The following MGAT4D variants were observed in gnomAD, a reference collection of about 807,000 sequenced individuals.
MGAT4D encodes MGAT4 family member D.
In MGAT4D, 34 loss-of-function variants were observed where a neutral mutation model predicts 15.9. The observed-to-expected ratio is 2.14, with a 90% CI of 1.62 to 2.84. The LOEUF (loss-of-function observed/expected upper bound fraction) is 2.84. MGAT4D is among the 30% of genes most tolerant of loss of function. The pLI, the probability that MGAT4D is intolerant of heterozygous loss-of-function variation, is 0.00. For synonymous variants in MGAT4D, 112 were observed against 48.2 expected (o/e 2.33, Z -5.49); for missense variants, 327 against 140.2 (o/e 2.33, Z -6.73).
intron 9 of MGAT4D, among the ~76,000 whole-genome samples, chr4:140,453,973 T>G (rs1730633413): frequency 6.6e-6 from 1 of 152,042 alleles, no homozygotes; most frequent in Non-Finnish European, 1.5e-5. Context: ...CCTTGTATCT[T>G]GCAACTTTGC....
chr4:140,442,430 T>C lies in MGAT4D; in HGVS notation c.*1006A>G, dbSNP rs923406431. On this transcript the variant is annotated 3_prime_UTR_variant, in exon 11 of 11. Transcript: ENST00000511113. ...ATCACTTATTATTGCTCAAAATAAG[T>C]AATACCTTACAGAATAACATCAAGA... 9.2e-5 allele frequency: 14 copies of C among 152,076 alleles called. No homozygotes were observed. The highest frequency in any genetic ancestry group is 2.9e-4 in the African/African-American group (12 of 41,416). 9.4% of individuals were successfully genotyped at this position (152,076 alleles called of 1,614,324 possible). A position where few individuals can be genotyped will look rare whatever the true frequency, so the allele number is the denominator to read the frequency against.
In MGAT4D at chr4:140,451,507, A is replaced by G; in HGVS notation, c.1019T>C (p.Met340Thr). Reference protein sequence around the residue: ...CDAGEDLRNCMKRKKQIRIQY... With the variant: ...CDAGEDLRNCTKRKKQIRIQY... ...AATACGTATTTGCTTCTTTCGTTTCATACAGTTTCTCTGGGGAAAAAGAAA... is the reference window on the plus strand; with the variant it reads ...AATACGTATTTGCTTCTTTCGTTTCGTACAGTTTCTCTGGGGAAAAAGAAA... The change falls in exon 10 of 11, where the codon ATG (methionine) becomes ACG (threonine). Residue 340 changes from methionine to threonine, a missense_variant. Transcript: ENST00000511113. The G allele has an allele frequency of 1.8e-6, 1 of 564,604 alleles. No homozygotes were observed. Among genetic ancestry groups the G allele is most frequent in the African/African-American group, 1.9e-5 (1 of 53,742 alleles). 35.0% of individuals were successfully genotyped at this position (564,604 alleles called of 1,614,324 possible). A position where few individuals can be genotyped will look rare whatever the true frequency, so the allele number is the denominator to read the frequency against.
intron 3 of MGAT4D, among the ~76,000 whole-genome samples, chr4:140,476,776 T>A (rs1732362725): frequency 6.6e-6 from 1 of 152,202 alleles, no homozygotes; most frequent in Non-Finnish European, 1.5e-5. Context: ...TTTCTCAGGA[T>A]TCAACTAAAT....
chr4:140,452,915 T>A (rs9760241), intron 9 of MGAT4D, among the ~76,000 whole-genome samples: 5,760 of 152,238 alleles, frequency 0.038, 356 homozygotes, highest in African/African-American at 0.13. Flanking sequence ...TGATTTATTT[T>A]GAAATAATGT....
At chr4:140,465,334 A>C (rs1355291463) in intron 5 of MGAT4D, among the ~76,000 whole-genome samples, 1 of 152,220 alleles carries the variant, frequency 6.6e-6, no homozygotes, top group East Asian at 1.9e-4. Context: ...CAGTGACTGC[A>C]AGAAAGCAAG....
At chr4:140,481,084 G>A (rs1732689048) in intron 2 of MGAT4D, among the ~76,000 whole-genome samples, 4 of 151,568 alleles carry the variant, frequency 2.6e-5, no homozygotes, top group African/African-American at 9.7e-5. Flanking sequence ...GAGGTGGGAG[G>A]CTTGCTTGAG....
intron 7 of MGAT4D, among the ~76,000 whole-genome samples, 173 bp from the exon 8 acceptor site, chr4:140,459,799 CTTTTTTT>C (rs576574327): frequency 9.2e-6 from 1 of 109,062 alleles, no homozygotes. Context: ...AGTTGATTTC[CTTTTTTT>C]TTTTTTTTTT....
chr4:140,446,811 G>A lies in MGAT4D; in HGVS notation c.1117-3367C>T, dbSNP rs34793225. The stretch of plus-strand genomic sequence containing the variant: ...CTGTGATGTTAGATTGTTAACTTGA[G>A]ATCTTTCTAGCTTTTCGATTTGGGT... On this transcript the variant is annotated intron_variant, in intron 10 of 10. Transcript: ENST00000511113. 4.3e-5 allele frequency among the ~76,000 whole-genome samples: 3 copies of A among 69,470 alleles called. No homozygotes were observed. The Admixed American group carries it at 6.4e-4, about 15-fold the overall frequency. 45.6% of individuals were successfully genotyped at this position (69,470 alleles called of 152,430 possible).
At chr4:140,481,954 A>C (rs1227937721) in intron 2 of MGAT4D, among the ~76,000 whole-genome samples, 1 of 152,210 alleles carries the variant, frequency 6.6e-6, no homozygotes, top group African/African-American at 2.4e-5. Flanking sequence ...AGCAGAAATG[A>C]TGATGGAAAA....
chr4:140,476,954 A>C (rs1196429948), intron 3 of MGAT4D, among the ~76,000 whole-genome samples: 1 of 152,174 alleles, frequency 6.6e-6, no homozygotes, highest in Admixed American at 6.5e-5. Flanking sequence ...TAAATCCAGC[A>C]CTAACATAAA....
At chr4:140,459,872 G>A (rs1317925680) in intron 7 of MGAT4D, among the ~76,000 whole-genome samples, 1 of 138,220 alleles carries the variant, frequency 7.2e-6, no homozygotes, top group Non-Finnish European at 1.5e-5. Context: ...TTGCGTGACT[G>A]CAGGCACGTG....
At chr4:140,467,439 C>T (rs1731614252) in intron 5 of MGAT4D, among the ~76,000 whole-genome samples, 1 of 152,080 alleles carries the variant, frequency 6.6e-6, no homozygotes, top group African/African-American at 2.4e-5. Flanking sequence ...TACAGAGATA[C>T]ACAAATTTTG....
At position 140,456,613 on chromosome 4, in the gene MGAT4D, C is replaced by G; in HGVS notation, c.984G>C (p.Lys328Asn). The G allele has an allele frequency of 1.4e-6, 1 of 690,900 alleles. No homozygotes were observed. The highest frequency in any genetic ancestry group is 1.5e-5 in the South Asian group (1 of 64,858). The allele number at this position is 690,900 out of a possible 1,614,324, so 42.8% of individuals were successfully genotyped here. Residue 328 changes from lysine to asparagine, a missense_variant, in exon 9 of 11, where the codon AAG becomes AAC. By Grantham distance (94) the Lys-to-Asn change is moderately conservative. Transcript: ENST00000511113. ...DWLLNDIFQV[K>N]VCDAGEDLRN... ...CAAGATCTTCTCCTGCGTCACACACCTTTACCTGAAAAATGTCATTCAAGA... is the reference window on the plus strand; with the variant it reads ...CAAGATCTTCTCCTGCGTCACACACGTTTACCTGAAAAATGTCATTCAAGA...
chr4:140,447,622 C>T (rs990692665), intron 10 of MGAT4D, among the ~76,000 whole-genome samples: 1 of 151,936 alleles, frequency 6.6e-6, no homozygotes, highest in East Asian at 1.9e-4. Context: ...CTCTTGAAGA[C>T]AGCATACCAA....
At chr4:140,453,693 T>C (rs998600357) in intron 9 of MGAT4D, among the ~76,000 whole-genome samples, 1 of 151,966 alleles carries the variant, frequency 6.6e-6, no homozygotes, top group Non-Finnish European at 1.5e-5. Context: ...TGAGATCTAA[T>C]GGTTTTATGT....
At chr4:140,454,872 T>C (rs1201070832) in intron 9 of MGAT4D, among the ~76,000 whole-genome samples, 1 of 150,212 alleles carries the variant, frequency 6.7e-6, no homozygotes, top group African/African-American at 2.4e-5. Flanking sequence ...TTTATATGCA[T>C]GGAAGTGCCT....
intron 1 of MGAT4D, among the ~76,000 whole-genome samples, chr4:140,493,626 C>T (rs920405151): frequency 6.6e-6 from 1 of 152,054 alleles, no homozygotes. Flanking sequence ...GTAATTTTAT[C>T]ATACTTATGG....
At chr4:140,471,505 A>G (rs1201089835) in intron 5 of MGAT4D, among the ~76,000 whole-genome samples, 1 of 152,144 alleles carries the variant, frequency 6.6e-6, no homozygotes, top group African/African-American at 2.4e-5. Context: ...AAATAACTCA[A>G]TGGGCTTCTC....
chr4:140,478,526 T>C (rs1732487577), intron 3 of MGAT4D, among the ~76,000 whole-genome samples: 2 of 152,234 alleles, frequency 1.3e-5, no homozygotes, highest in African/African-American at 4.8e-5. Context: ...TTTACAAGTA[T>C]GAACTCAAGA....
Sources: allele counts gnomAD v4.1 joint callset (sites outside exome capture counted in the v4.1 genomes callset), GRCh38; gene constraint gnomAD v4.1.1; transcripts MANE v1.5; gene names NCBI Gene and HGNC (gene_info 2026-07-23, HGNC 2026-07-21).